ABAT: variants seen among roughly 807,000 people sequenced by gnomAD.
ABAT encodes the protein 4-aminobutyrate aminotransferase, mitochondrial.
A neutral mutation model predicts 64.6 loss-of-function variants in ABAT; 45 were observed. The ratio of observed to expected loss-of-function variants is 0.70; its 90% CI spans 0.55 to 0.89. The LOEUF (loss-of-function observed/expected upper bound fraction) is 0.89. Ranked by LOEUF, ABAT falls within the 40% of genes least tolerant of loss-of-function variation. The pLI is 0.00. For missense variants in ABAT, 633 were observed against 658.4 expected (o/e 0.96, Z 0.42); for synonymous variants, 297 against 250.5 (o/e 1.19, Z -1.75).
intron 5 of ABAT, among the ~76,000 whole-genome samples, chr16:8,754,410 G>T (rs998116286): frequency 6.6e-6 from 1 of 152,006 alleles, no homozygotes; most frequent in Admixed American, 6.6e-5. Context: ...GAGATTAGCC[G>T]GTGACTGGTA....
intron 1 of ABAT, among the ~76,000 whole-genome samples, chr16:8,677,447 G>C (rs1179924111): frequency 6.6e-6 from 1 of 152,184 alleles, no homozygotes; most frequent in African/African-American, 2.4e-5. Flanking sequence ...TGGAAACTTA[G>C]GCAAGTCATT....
intron 1 of ABAT, among the ~76,000 whole-genome samples, chr16:8,698,379 G>T (rs376929452): frequency 3.0e-4 from 46 of 151,756 alleles, no homozygotes; most frequent in African/African-American, 1.1e-3. Context: ...TGTCCCCCAG[G>T]CTAGAGTGCA....
At chr16:8,724,971 C>A (rs1169069319) in intron 1 of ABAT, among the ~76,000 whole-genome samples, 1 of 150,054 alleles carries the variant, frequency 6.7e-6, no homozygotes, top group African/African-American at 2.5e-5. Context: ...GGCTGGAGTG[C>A]AGTGGCGCCA....
intron 1 of ABAT, chr16:8,712,808 T>C (rs2058106655): frequency 6.6e-6 from 1 of 152,216 alleles, no homozygotes; most frequent in African/African-American, 2.4e-5. Flanking sequence ...GGCAACGGCG[T>C]AATAGCTCAA....
At chr16:8,747,145 C>A (rs1078509) in intron 3 of ABAT, among the ~76,000 whole-genome samples, 80,617 of 151,966 alleles carry the variant, frequency 0.53, 22,603 homozygotes, top group Non-Finnish European at 0.61. Context: ...TGGCCAAAGC[C>A]AGTCATAGCT....
chr16:8,718,809 G>T (rs1389955352), intron 1 of ABAT, among the ~76,000 whole-genome samples: 1 of 152,182 alleles, frequency 6.6e-6, no homozygotes, highest in African/African-American at 2.4e-5. Flanking sequence ...GCAGATACCT[G>T]CACACACAGG....
intron 1 of ABAT, among the ~76,000 whole-genome samples, chr16:8,718,124 T>C (rs2058264323): frequency 6.6e-6 from 1 of 152,170 alleles, no homozygotes. Flanking sequence ...CTCAGTCTCA[T>C]AGCGCTGATG....
chr16:8,704,830 A>G (rs1461756553), intron 1 of ABAT, among the ~76,000 whole-genome samples: 1 of 152,156 alleles, frequency 6.6e-6, no homozygotes, highest in Non-Finnish European at 1.5e-5. Flanking sequence ...TCAACTGAGC[A>G]CGCTTCTTTT....
chr16:8,719,907 G>A lies in ABAT; in HGVS notation c.-41-15792G>A, dbSNP rs115546229. On this transcript the variant is annotated intron_variant, in intron 1 of 15. Transcript: ENST00000268251. ...ACTCACTGCAACATTCGGTTCTCAG[G>A]TTTAAGCAATTCTCCTGCCTCAGCC... 8.0e-3 allele frequency among the ~76,000 whole-genome samples: 1,215 copies of A among 152,324 alleles called. 20 individuals carry two copies. Among genetic ancestry groups the A allele is most frequent in the African/African-American group, 0.028 (1,150 of 41,572 alleles).
intron 1 of ABAT, among the ~76,000 whole-genome samples, chr16:8,692,880 G>C (rs761181002): frequency 7.2e-5 from 11 of 152,122 alleles, no homozygotes; most frequent in Non-Finnish European, 1.5e-4. Context: ...TTGAGATGGA[G>C]CCTCACTCTG....
intron 3 of ABAT, among the ~76,000 whole-genome samples, chr16:8,746,355 C>G (rs1235216526): frequency 2.0e-5 from 3 of 151,236 alleles, no homozygotes; most frequent in Admixed American, 6.6e-5. Context: ...GAGTTCAAGA[C>G]CAGCCTGGCC....
intron 1 of ABAT, among the ~76,000 whole-genome samples, chr16:8,686,193 C>G (rs1279164294): frequency 6.6e-6 from 1 of 152,258 alleles, no homozygotes; most frequent in Non-Finnish European, 1.5e-5. Context: ...GCTGGCTTCG[C>G]AGGCTGAGCG....
chr16:8,751,049 A>G (rs936848686), intron 5 of ABAT, among the ~76,000 whole-genome samples: 2 of 150,668 alleles, frequency 1.3e-5, no homozygotes, highest in Non-Finnish European at 2.9e-5. Flanking sequence ...CCCGGGTTCA[A>G]GTGATTCTCA....
intron 1 of ABAT, among the ~76,000 whole-genome samples, chr16:8,675,612 G>A (rs1324701605): frequency 1.3e-5 from 2 of 152,074 alleles, no homozygotes; most frequent in South Asian, 2.1e-4. Flanking sequence ...CCTGGCCAAG[G>A]TAAGACTAGA....
At chr16:8,750,272 A>G in intron 4 of ABAT, 150 bp from the exon 5 acceptor site, 1 of 743,276 alleles carries the variant, frequency 1.3e-6, no homozygotes, top group African/African-American at 1.7e-5. Flanking sequence ...CTTAGCCAAA[A>G]CAAGAAATAC....
intron 1 of ABAT, among the ~76,000 whole-genome samples, chr16:8,732,445 A>G (rs1396475233): frequency 1.3e-5 from 2 of 150,714 alleles, no homozygotes; most frequent in East Asian, 3.9e-4. Context: ...GCTGCCTTCA[A>G]GCATCTGTTT....
In ABAT at chr16:8,684,878, T is replaced by A. The variant is rs563371420; in HGVS notation, c.-42+10167T>A. On this transcript the variant is annotated intron_variant, in intron 1 of 15. Coordinates refer to ENST00000268251, the MANE Select transcript of ABAT (RefSeq NM_020686.6). ...AAATAAAGCACAAATATGTAAAGAG[T>A]AAAGGGAGGTCTAAATAGATTCAAA... is the stretch of plus-strand genomic sequence containing the variant. Among the ~76,000 whole-genome samples the A allele has an allele frequency of 2.6e-5, 4 of 151,168 alleles. No individual in the cohort carries two copies. The South Asian group carries it at 6.3e-4, about 24-fold the overall frequency.
Position 8,782,152 on chromosome 16 carries a change from C to A in ABAT, c.*722C>A, listed in dbSNP as rs532553495. On this transcript the variant is annotated 3_prime_UTR_variant, in exon 16 of 16. Transcript: ENST00000268251. ...CTTACCCGTGATTCTTACTCGGCAT[C>A]CTCCATTCCCCAAACTCCCTCCTCC... 3.9e-5 allele frequency: 6 copies of A among 153,304 alleles called. No homozygotes were observed. Among genetic ancestry groups the A allele is most frequent in the African/African-American group, 1.4e-4 (6 of 41,574 alleles). The allele number at this position is 153,304 out of a possible 1,614,324, so 9.5% of individuals were successfully genotyped here. A position where few individuals can be genotyped will look rare whatever the true frequency, so the allele number is the denominator to read the frequency against.
intron 2 of ABAT, among the ~76,000 whole-genome samples, chr16:8,744,462 G>T (rs1352530076): frequency 6.6e-6 from 1 of 151,800 alleles, no homozygotes; most frequent in Non-Finnish European, 1.5e-5. Context: ...CTGCCTCCTG[G>T]GTTCAAGCGA....
Sources: gnomAD v4.1 joint callset for allele counts (sites outside exome capture counted in the v4.1 genomes callset) on GRCh38, gnomAD v4.1.1 for gene constraint, MANE v1.5 for transcripts, NCBI Gene and HGNC (gene_info 2026-07-23, HGNC 2026-07-21) for gene names.